The following RICTOR variants were observed in gnomAD, a reference collection of about 807,000 sequenced individuals.
The protein encoded by RICTOR is RPTOR independent companion of MTOR complex 2.
A neutral mutation model predicts 214.9 loss-of-function variants in RICTOR; 49 were observed. The ratio of observed to expected loss-of-function variants is 0.23; its 90% CI spans 0.18 to 0.29. The LOEUF is 0.29. RICTOR is among the 10% of genes least tolerant of loss of function. RICTOR has a pLI of 1.00. For synonymous variants in RICTOR, 717 were observed against 711.3 expected (o/e 1.01, Z -0.13); for missense variants, 1,625 against 2,047.0 (o/e 0.79, Z 3.98).
chr5:39,073,265 C>G (rs960755797), intron 2 of RICTOR, among the ~76,000 whole-genome samples: 2 of 152,088 alleles, frequency 1.3e-5, no homozygotes, highest in Non-Finnish European at 2.9e-5. Context: ...TCCTGTTTAC[C>G]GTGGAAGAGA....
At chr5:39,047,321 C>A (rs920300463) in intron 2 of RICTOR, among the ~76,000 whole-genome samples, 4 of 152,144 alleles carry the variant, frequency 2.6e-5, no homozygotes, top group African/African-American at 9.7e-5. Context: ...AAGGAGGGCA[C>A]GACCTAGATC....
chr5:38,989,215 T>C lies in RICTOR; in HGVS notation c.583+1734A>G, dbSNP rs568239609. Among the ~76,000 whole-genome samples, 17 of 152,240 alleles carry C rather than the reference T, an allele frequency of 1.1e-4. No individual in the cohort carries two copies. In the South Asian group the frequency reaches 2.9e-3, roughly 26 times the overall value. On this transcript the variant is annotated intron_variant, in intron 7 of 37. Transcript: ENST00000357387. ...GGCCTCAGAAATAACATCATACATC[T>C]ACAACCATCTGATCTTTGACAAACC... is the stretch of plus-strand genomic sequence containing the variant.
chr5:38,977,482 T>C, intron 9 of RICTOR, among the ~76,000 whole-genome samples: 1 of 152,174 alleles, frequency 6.6e-6, no homozygotes, highest in East Asian at 1.9e-4. Context: ...GGAATAAGTT[T>C]GAGAAGTCTT....
At chr5:39,069,495 G>T (rs1456866496) in intron 2 of RICTOR, among the ~76,000 whole-genome samples, 1 of 152,140 alleles carries the variant, frequency 6.6e-6, no homozygotes, top group Non-Finnish European at 1.5e-5. Context: ...GAAAAGAATA[G>T]CAACGCTTTA....
At chr5:39,026,041 A>T (rs565917374) in intron 2 of RICTOR, among the ~76,000 whole-genome samples, 1 of 152,274 alleles carries the variant, frequency 6.6e-6, no homozygotes, top group African/African-American at 2.4e-5. Flanking sequence ...ACCTGTCTCT[A>T]TTTCTTCCTA....
At chr5:38,957,802 A>G in intron 24 of RICTOR, 72 bp from the exon 25 acceptor site, 1 of 813,822 alleles carries the variant, frequency 1.2e-6, no homozygotes, top group Non-Finnish European at 2.0e-6. Flanking sequence ...TAAAATAACT[A>G]AAATTTAAAA....
At position 38,958,672 on chromosome 5, in the gene RICTOR, C is replaced by T. The variant is rs1749527409; in HGVS notation, c.2338G>A (p.Asp780Asn). Reference sequence around the variant, plus strand: ...TATAAAAAATGAACCTTTACCTTGTCTTCACATGCTTCATCGAGGATATCA... The same window carrying T: ...TATAAAAAATGAACCTTTACCTTGTTTTCACATGCTTCATCGAGGATATCA... ...ALDILDEACE[D>N]KANLHALIQM... The change falls in exon 23 of 38, where the codon GAC becomes AAC. Residue 780 changes from aspartate to asparagine, a missense_variant. Coordinates refer to ENST00000357387, the MANE Select transcript of RICTOR (RefSeq NM_152756.5). 6.3e-7 allele frequency: 1 copy of T among 1,596,228 alleles called. No homozygotes were observed. Among genetic ancestry groups the T allele is most frequent in the Admixed American group, 1.8e-5 (1 of 56,506 alleles).
At chr5:39,034,331 G>A (rs145176783) in intron 2 of RICTOR, among the ~76,000 whole-genome samples, 38 of 152,274 alleles carry the variant, frequency 2.5e-4, no homozygotes, top group Admixed American at 1.8e-3. Context: ...TATAATTTTG[G>A]GGGTGGAGCC....
In RICTOR at chr5:38,963,020, G is replaced by T. The variant is rs2150024544; in HGVS notation, c.1422C>A (p.Asn474Lys). 2 of 1,611,546 alleles carry T rather than the reference G, an allele frequency of 1.2e-6. No homozygotes were observed. The highest frequency in any genetic ancestry group is 1.7e-6 in the Non-Finnish European group (2 of 1,178,462). The change falls in exon 17 of 38, where the codon AAC (asparagine) becomes AAA (lysine). Residue 474 changes from asparagine (N) to lysine (K), a missense_variant. Physicochemically the swap from Asn to Lys is moderately conservative, Grantham distance 94 (BLOSUM62 0). Coordinates refer to ENST00000357387, the MANE Select transcript of RICTOR (RefSeq NM_152756.5). Reference protein sequence around the residue: ...EKRLRASAALNCLKRFHEMKK... With the variant: ...EKRLRASAALKCLKRFHEMKK... ...TCATTTCATGGAAGCGTTTTAAACA[G>T]TTCAAGGCTGCACTGGCTCGCCTAA... is the stretch of plus-strand genomic sequence containing the variant.
intron 2 of RICTOR, 103 bp downstream of exon 2, chr5:39,074,008 C>T: frequency 2.5e-6 from 2 of 798,146 alleles, no homozygotes; most frequent in South Asian, 4.5e-5. Flanking sequence ...CCCCGCACCC[C>T]GCCGGTCCCG....
At chr5:38,973,607 G>T (rs985380780) in intron 10 of RICTOR, among the ~76,000 whole-genome samples, 3 of 152,168 alleles carry the variant, frequency 2.0e-5, no homozygotes, top group Non-Finnish European at 4.4e-5. Context: ...TAAGCGTACA[G>T]ATATTTATGA....
Position 38,996,810 on chromosome 5 carries a change from A to C in RICTOR, c.456+9T>G. On this transcript the variant is annotated intron_variant, in intron 6 of 37. Coordinates refer to ENST00000357387, the MANE Select transcript of RICTOR (RefSeq NM_152756.5). ...AAATTTGCCTTTTACTCTCACACAT[A>C]GAGCATACCTTTCTGACTAATCGAA... 8 of 1,590,380 alleles carry C rather than the reference A, an allele frequency of 5.0e-6. No homozygotes were observed. Among genetic ancestry groups the C allele is most frequent in the South Asian group, 2.2e-5 (2 of 89,914 alleles).
chr5:38,969,842 T>C (rs1269800237), intron 11 of RICTOR: 1 of 152,004 alleles, frequency 6.6e-6, no homozygotes, highest in East Asian at 1.9e-4. Context: ...CTGTTTTTTC[T>C]ATTTTTAGTA....
chr5:38,980,691 C>G (rs534315574), intron 8 of RICTOR, among the ~76,000 whole-genome samples: 2 of 152,058 alleles, frequency 1.3e-5, no homozygotes, highest in Admixed American at 6.6e-5. Flanking sequence ...ACAAAAAATA[C>G]AAAAATTAGC....
chr5:38,947,715 T>G (rs1436121951), intron 31 of RICTOR, among the ~76,000 whole-genome samples: 3 of 152,082 alleles, frequency 2.0e-5, no homozygotes, highest in African/African-American at 7.2e-5. Context: ...AGAATAACTT[T>G]CAACATCTAG....
At chr5:39,001,495 TA>T (rs1314849663) in intron 5 of RICTOR, among the ~76,000 whole-genome samples, 2 of 152,056 alleles carry the variant, frequency 1.3e-5, no homozygotes, top group African/African-American at 2.4e-5. Flanking sequence ...ATAAAACCTT[TA>T]AAAGAAAACA....
chr5:38,953,420 C>A (rs1436995311), intron 28 of RICTOR, 41 bp downstream of exon 28: 3 of 880,190 alleles, frequency 3.4e-6, no homozygotes, highest in Admixed American at 2.7e-5. Flanking sequence ...ACTTAAAAAT[C>A]TAAAAATTGC....
At chr5:39,020,809 T>G (rs1029540167) in intron 3 of RICTOR, among the ~76,000 whole-genome samples, 1 of 152,218 alleles carries the variant, frequency 6.6e-6, no homozygotes, top group African/African-American at 2.4e-5. Flanking sequence ...TTCTCAGTGA[T>G]TTTATTCTTT....
At chr5:38,962,286 A>C in intron 19 of RICTOR, 29 bp downstream of exon 19, 1 of 1,157,966 alleles carries the variant, frequency 8.6e-7, no homozygotes, top group Non-Finnish European at 1.2e-6. Context: ...AAGTTCTTTA[A>C]ATTTAAATGC....
Sources: allele counts gnomAD v4.1 joint callset (sites outside exome capture counted in the v4.1 genomes callset), GRCh38; gene constraint gnomAD v4.1.1; transcripts MANE v1.5; gene names NCBI Gene and HGNC (gene_info 2026-07-23, HGNC 2026-07-21).